Variants in DENND1B observed in about 807,000 individuals in gnomAD.
DENND1B encodes DENN domain-containing protein 1B.
DENND1B carries 59 observed loss-of-function variants against 90.1 expected under a neutral mutation model. The ratio of observed to expected loss-of-function variants is 0.65; its 90% CI spans 0.53 to 0.81. The LOEUF is 0.81. Among genes scored for constraint, DENND1B ranks in the 40% least tolerant of loss-of-function variants. The pLI, the probability that DENND1B is intolerant of heterozygous loss-of-function variation, is 0.00. For missense variants in DENND1B, 862 were observed against 912.6 expected, an observed-to-expected ratio of 0.94 and a Z score of 0.71; for synonymous variants, 337 against 324.6, an observed-to-expected ratio of 1.04 and a Z score of -0.41.
At chr1:197,736,637 C>A (rs1355248934) in intron 2 of DENND1B, among the ~76,000 whole-genome samples, 1 of 152,168 alleles carries the variant, frequency 6.6e-6, no homozygotes, top group Non-Finnish European at 1.5e-5. Flanking sequence ...CATGCACAGC[C>A]TCTTATGTTT....
At chr1:197,779,697 T>C (rs948137226), upstream of DENND1B, among the ~76,000 whole-genome samples, 3 of 151,712 alleles carry the variant, frequency 2.0e-5, no homozygotes, top group Non-Finnish European at 4.4e-5. Context: ...TTTTTATTTC[T>C]AAAGTTCTGT....
In DENND1B at chr1:197,640,636, C is replaced by T. The variant is rs1237216033; in HGVS notation, c.672+2075G>A. Among the ~76,000 whole-genome samples the T allele has an allele frequency of 2.0e-5, 3 of 152,090 alleles. No individual in the cohort carries two copies. The East Asian group carries it at 5.8e-4, about 29-fold the overall frequency. ...AGGCTACTATTGCTCCTACTCTACA[C>T]TTAAAGAAACTGAGTCAAACAGATT... On this transcript the variant is annotated intron_variant, in intron 10 of 22. Coordinates refer to ENST00000620048, the MANE Select transcript of DENND1B (RefSeq NM_001195215.2).
rs200535206 is a variant in DENND1B at position 197,745,595 on chromosome 1, T to C, written c.82+27273A>G. Among the ~76,000 whole-genome samples the C allele has an allele frequency of 4.0e-4, 58 of 145,080 alleles. No homozygotes were observed. The East Asian group carries it at 5.5e-3, about 14-fold the overall frequency. On this transcript the variant is annotated intron_variant, in intron 2 of 22. Coordinates refer to ENST00000620048, the MANE Select transcript of DENND1B (RefSeq NM_001195215.2). The stretch of plus-strand genomic sequence containing the variant: ...CAACAATAACATCAAAGATCACTGA[T>C]AACAGATCACCATATATATATTATA...
At chr1:197,770,050 G>C (rs1333109629) in intron 2 of DENND1B, among the ~76,000 whole-genome samples, 1 of 151,924 alleles carries the variant, frequency 6.6e-6, no homozygotes, top group African/African-American at 2.4e-5. Context: ...ACTGATTATA[G>C]TTATTACTTG....
At chr1:197,723,923 A>G (rs966714172) in intron 2 of DENND1B, among the ~76,000 whole-genome samples, 9 of 152,182 alleles carry the variant, frequency 5.9e-5, no homozygotes, top group East Asian at 1.9e-4. Flanking sequence ...TATTGTCAAG[A>G]AACAGTCTTA....
chr1:197,514,183 G>C (rs910452819), intron 20 of DENND1B, among the ~76,000 whole-genome samples: 2 of 151,586 alleles, frequency 1.3e-5, no homozygotes, highest in African/African-American at 4.8e-5. Flanking sequence ...TGCTTTTCTA[G>C]AGCATTCCTT....
chr1:197,566,199 G>A (rs989290628), intron 15 of DENND1B, among the ~76,000 whole-genome samples: 11 of 152,076 alleles, frequency 7.2e-5, no homozygotes, highest in African/African-American at 2.7e-4. Context: ...GTGTGAGATG[G>A]TATCTCATTG....
At chr1:197,612,151 C>A (rs912695312) in intron 11 of DENND1B, among the ~76,000 whole-genome samples, 175 bp from the exon 12 acceptor site, 1 of 150,298 alleles carries the variant, frequency 6.7e-6, no homozygotes, top group African/African-American at 2.4e-5. Context: ...ATCTTAGAGG[C>A]CATTAATATA....
At chr1:197,526,348 T>A (rs1403537648) in intron 20 of DENND1B, among the ~76,000 whole-genome samples, 1 of 151,980 alleles carries the variant, frequency 6.6e-6, no homozygotes, top group Non-Finnish European at 1.5e-5. Flanking sequence ...TGGAAAACAA[T>A]AATAATTTGT....
Position 197,540,049 on chromosome 1 carries a change from G to T in DENND1B, c.1430C>A (p.Thr477Asn). ...KHKENEEDYG[T>N]CSSSVQYTPV... ...TGTATATTGTACAGAACTAGAACAG[G>T]TCCCATAATCTTCTTCATTTTCCTA... Residue 477 changes from threonine (T) to asparagine (N), a missense_variant, in exon 20 of 23, where the codon ACC becomes AAC. Coordinates refer to ENST00000620048, the MANE Select transcript of DENND1B (RefSeq NM_001195215.2). 1 of 1,606,910 alleles carries T rather than the reference G, an allele frequency of 6.2e-7. No individual in the cohort carries two copies. The highest frequency in any genetic ancestry group is 8.5e-7 in the Non-Finnish European group (1 of 1,176,708).
intron 15 of DENND1B, among the ~76,000 whole-genome samples, chr1:197,554,703 G>A (rs889152113): frequency 1.3e-5 from 2 of 151,628 alleles, no homozygotes; most frequent in African/African-American, 2.4e-5. Context: ...TTAGCTGGAC[G>A]TGGTGGCGCA....
intron 16 of DENND1B, among the ~76,000 whole-genome samples, chr1:197,548,914 C>A (rs906988594): frequency 1.3e-5 from 2 of 151,918 alleles, no homozygotes; most frequent in Admixed American, 1.3e-4. Context: ...AGGTAGATTC[C>A]TATTTTAAAA....
At chr1:197,707,928 G>T (rs1659766978) in intron 3 of DENND1B, among the ~76,000 whole-genome samples, 1 of 151,702 alleles carries the variant, frequency 6.6e-6, no homozygotes, top group Non-Finnish European at 1.5e-5. Flanking sequence ...AGCGCAAGGG[G>T]TCAGGGAGTT....
At chr1:197,623,344 A>T (rs1034877872) in intron 10 of DENND1B, among the ~76,000 whole-genome samples, 18 of 151,492 alleles carry the variant, frequency 1.2e-4, no homozygotes, top group African/African-American at 2.4e-4. Flanking sequence ...TTTTTAAAAA[A>T]TTAGTGGAAA....
chr1:197,587,462 G>A (rs948984025), intron 14 of DENND1B, among the ~76,000 whole-genome samples: 12 of 152,124 alleles, frequency 7.9e-5, no homozygotes, highest in African/African-American at 2.9e-4. Context: ...AACATAAACA[G>A]CTATCAGGAA....
At chr1:197,770,941 T>C (rs1181218238) in intron 2 of DENND1B, among the ~76,000 whole-genome samples, 1 of 147,070 alleles carries the variant, frequency 6.8e-6, no homozygotes, top group Non-Finnish European at 1.5e-5. Context: ...AGACAGAGTC[T>C]CACTTGGTCA....
rs71286564 is a variant in DENND1B at position 197,592,108 on chromosome 1, C to CAAAA, written c.1047+3096_1047+3099dup. Among the ~76,000 whole-genome samples the CAAAA allele has an allele frequency of 3.2e-3, 177 of 55,490 alleles. 7 individuals carry two copies. Among genetic ancestry groups the CAAAA allele is most frequent in the Non-Finnish European group, 3.4e-3 (113 of 33,290 alleles). 36.4% of individuals were successfully genotyped at this position (55,490 alleles called of 152,430 possible). On this transcript the variant is annotated intron_variant, in intron 14 of 22. Coordinates refer to ENST00000620048, the MANE Select transcript of DENND1B (RefSeq NM_001195215.2). ...TGGGAGACAGAGTGAGATTCCATCT[C>CAAAA]AAAAAAAAAAAAAAAAAAAAGCATC...
chr1:197,556,342 T>A (rs940907650), intron 15 of DENND1B, among the ~76,000 whole-genome samples: 1 of 151,998 alleles, frequency 6.6e-6, no homozygotes, highest in Non-Finnish European at 1.5e-5. Flanking sequence ...CATATGTACC[T>A]CTGAGTCTAA....
At chr1:197,728,369 T>C (rs958472480) in intron 2 of DENND1B, among the ~76,000 whole-genome samples, 2 of 152,236 alleles carry the variant, frequency 1.3e-5, no homozygotes, top group African/African-American at 4.8e-5. Context: ...ATGTGATATC[T>C]AAAACTAAGT....
Sources: allele counts gnomAD v4.1 joint callset (sites outside exome capture counted in the v4.1 genomes callset), GRCh38; gene constraint gnomAD v4.1.1; transcripts MANE v1.5; gene names NCBI Gene and HGNC (gene_info 2026-07-23, HGNC 2026-07-21).